COL27A1: variants seen among roughly 807,000 people sequenced by gnomAD.
COL27A1 encodes collagen type XXVII alpha 1 chain.
A neutral mutation model predicts 251.3 loss-of-function variants in COL27A1; 106 were observed. The ratio of observed to expected loss-of-function variants is 0.42; its 90% CI spans 0.36 to 0.50. COL27A1 has a LOEUF of 0.50. COL27A1 is among the 20% of genes least tolerant of loss of function. COL27A1 has a pLI of 0.00. For synonymous variants in COL27A1, 1,000 were observed against 986.3 expected (o/e 1.01, Z -0.26); for missense variants, 2,325 against 2,522.8 (o/e 0.92, Z 1.68).
chr9:114,297,842 G>T (rs866759564), intron 49 of COL27A1, among the ~76,000 whole-genome samples: 19 of 152,084 alleles, frequency 1.2e-4, no homozygotes, highest in African/African-American at 1.9e-4. Flanking sequence ...AACCAAAGTT[G>T]CAGGATATAA....
chr9:114,209,816 A>C, intron 11 of COL27A1, 88 bp downstream of exon 11: 1 of 1,302,866 alleles, frequency 7.7e-7, no homozygotes, highest in Non-Finnish European at 1.1e-6. Flanking sequence ...TGGGGAAGTC[A>C]AGGAATTCCT....
At chr9:114,246,128 C>A in intron 24 of COL27A1, 1 of 500,966 alleles carries the variant, frequency 2.0e-6, no homozygotes, top group Non-Finnish European at 3.5e-6. Context: ...GTCACGACAG[C>A]TTTTCCCCAC....
At chr9:114,226,946 C>T (rs1412114940) in intron 14 of COL27A1, among the ~76,000 whole-genome samples, 2 of 152,192 alleles carry the variant, frequency 1.3e-5, no homozygotes, top group African/African-American at 2.4e-5. Flanking sequence ...TGAGGCCTGA[C>T]AGCAGGGGCA....
chr9:114,209,632 C>T, intron 10 of COL27A1, 43 bp from the exon 11 acceptor site: 2 of 1,602,172 alleles, frequency 1.2e-6, no homozygotes, highest in Non-Finnish European at 8.6e-7. Flanking sequence ...CCAGCCACAC[C>T]TCACTGCTTG....
At position 114,306,614 on chromosome 9, in the gene COL27A1, C is replaced by T. The variant is rs766329166; in HGVS notation, c.5033C>T (p.Thr1678Met). The part of the protein sequence containing the change: ...YLSNLIQSIK[T>M]PLGTKENPAR... Reference sequence around the variant, plus strand: ...AGCAACCTCATCCAGAGCATTAAGACGCCCCTGGGCACCAAAGAGAACCCC... The same window carrying T: ...AGCAACCTCATCCAGAGCATTAAGATGCCCCTGGGCACCAAAGAGAACCCC... Residue 1678 changes from threonine to methionine, a missense_variant, in exon 58 of 61, where the codon ACG becomes ATG. By Grantham distance (81) the Thr-to-Met change is moderately conservative. This residue lies in a region of COL27A1 where 327 missense variants were observed against 442.8 expected (regional missense o/e 0.74). Transcript: ENST00000356083. 102 of 1,614,148 alleles carry T rather than the reference C, an allele frequency of 6.3e-5. 1 individual carries two copies. The South Asian group carries it at 7.2e-4, about 11-fold the overall frequency.
rs1829104311 is a variant in COL27A1 at position 114,196,112 on chromosome 9, C to T, written c.2124+100C>T. 7 of 1,019,146 alleles carry T rather than the reference C, an allele frequency of 6.9e-6. No individual in the cohort carries two copies. The South Asian group carries it at 8.9e-5, about 13-fold the overall frequency. 63.1% of individuals were successfully genotyped at this position (1,019,146 alleles called of 1,614,324 possible). On this transcript the variant is annotated intron_variant, in intron 7 of 60. Coordinates refer to ENST00000356083, the MANE Select transcript of COL27A1 (RefSeq NM_032888.4). ...TGGGCCCACCTGCCTCTCCCCAGCC[C>T]CAGCCCAGCTCCCCTGGGCACAGGG... is the stretch of plus-strand genomic sequence containing the variant.
At chr9:114,211,512 G>A (rs1830365223) in intron 12 of COL27A1, among the ~76,000 whole-genome samples, 2 of 152,382 alleles carry the variant, frequency 1.3e-5, no homozygotes, top group African/African-American at 4.8e-5. Flanking sequence ...ATGACCGAAA[G>A]AGGGGCTCAG....
intron 5 of COL27A1, among the ~76,000 whole-genome samples, chr9:114,187,302 C>T (rs1828426286): frequency 6.6e-6 from 1 of 152,246 alleles, no homozygotes; most frequent in African/African-American, 2.4e-5. Flanking sequence ...CCCTGGGCCT[C>T]AGCCACCCAA....
At chr9:114,300,027 A>C (rs778326881) in intron 49 of COL27A1, 43 bp from the exon 50 acceptor site, 2 of 1,608,742 alleles carry the variant, frequency 1.2e-6, no homozygotes, top group South Asian at 2.2e-5. Context: ...GGACACGCTG[A>C]CCATGAGCTC....
intron 1 of COL27A1, among the ~76,000 whole-genome samples, chr9:114,162,449 C>A (rs931342736): frequency 3.3e-5 from 5 of 152,200 alleles, no homozygotes; most frequent in African/African-American, 1.2e-4. Context: ...CTGCTTCTTC[C>A]CCGTTGACGT....
intron 1 of COL27A1, among the ~76,000 whole-genome samples, chr9:114,156,323 G>C (rs1317702759): frequency 6.6e-6 from 1 of 151,574 alleles, no homozygotes; most frequent in Non-Finnish European, 1.5e-5. Flanking sequence ...GGGTGCGGAG[G>C]GGGGCTTTTT....
intron 41 of COL27A1, among the ~76,000 whole-genome samples, chr9:114,285,039 G>C (rs943273104): frequency 6.6e-6 from 1 of 152,230 alleles, no homozygotes; most frequent in Non-Finnish European, 1.5e-5. Context: ...CCCTCACGGG[G>C]CTTATAGTCA....
At chr9:114,289,972 C>T (rs1456351490) in intron 45 of COL27A1, 86 bp from the exon 46 acceptor site, 1 of 1,451,374 alleles carries the variant, frequency 6.9e-7, no homozygotes, top group Middle Eastern at 2.4e-4. Context: ...CAGGGGCCCA[C>T]AATCCTCTCA....
At chr9:114,253,342 GAA>G (rs1220805037) in intron 27 of COL27A1, among the ~76,000 whole-genome samples, 2 of 133,192 alleles carry the variant, frequency 1.5e-5, no homozygotes, top group East Asian at 2.9e-4. Context: ...AGGGGAGAAA[GAA>G]AGAAGGGAGT....
At chr9:114,302,202 A>G in intron 56 of COL27A1, 94 bp downstream of exon 56, 1 of 1,074,218 alleles carries the variant, frequency 9.3e-7, no homozygotes, top group Non-Finnish European at 1.4e-6. Context: ...TGGTGGCTAG[A>G]GCCCTAAGCT....
chr9:114,168,864 C>T lies in COL27A1; in HGVS notation c.1309C>T (p.Pro437Ser), dbSNP rs748905606. Residue 437 changes from proline to serine, a missense_variant, in exon 3 of 61, where the codon CCG (proline) becomes TCG (serine). Physicochemically the swap from Pro to Ser is moderately conservative, Grantham distance 74 (BLOSUM62 -1). Coordinates refer to ENST00000356083, the MANE Select transcript of COL27A1 (RefSeq NM_032888.4). ...QRNPGMPRPP[P>S]PSTRPLPPTT... is the part of the protein sequence containing the mutation. ...GAACCCGGGAATGCCCAGGCCCCCA[C>T]CGCCCAGCACCCGGCCCCTACCTCC... 1.2e-6 allele frequency: 2 copies of T among 1,614,108 alleles called. No individual in the cohort carries two copies. Among genetic ancestry groups the T allele is most frequent in the South Asian group, 2.2e-5 (2 of 91,082 alleles).
chr9:114,242,295 G>A, intron 22 of COL27A1, 64 bp downstream of exon 22: 2 of 1,417,940 alleles, frequency 1.4e-6, no homozygotes, highest in South Asian at 1.3e-5. Flanking sequence ...GCACAGGCAG[G>A]GCAACATCTG....
In COL27A1 at chr9:114,196,001, C is replaced by T. The variant is rs139039113; in HGVS notation, c.2113C>T (p.Pro705Ser). ...LPGLSGNPGP[P>S]GRKGHKGYPG... ...TGGGCTCTCCGGGAATCCAGGACCT[C>T]CGGGACGAAAGGTACTGTTTGGTTT... Residue 705 changes from proline (P) to serine (S), a missense_variant, in exon 7 of 61, where the codon CCG (proline) becomes TCG (serine). Physicochemically the swap from Pro to Ser is moderately conservative, Grantham distance 74 (BLOSUM62 -1). Around this residue, in one of 4 missense-constraint regions of COL27A1, gnomAD observed 1,183 missense variants for 1,144.1 expected, o/e 1.03. Transcript: ENST00000356083. 2.2e-4 allele frequency: 352 copies of T among 1,614,096 alleles called. 3 individuals are homozygous for T. In the East Asian group the frequency reaches 6.0e-3, roughly 27 times the overall value.
chr9:114,297,615 C>T (rs1411134319), intron 49 of COL27A1, among the ~76,000 whole-genome samples: 3 of 152,066 alleles, frequency 2.0e-5, no homozygotes, highest in Non-Finnish European at 2.9e-5. Flanking sequence ...AAGCATTTGA[C>T]GAAATCCAAC....
Sources: gnomAD v4.1 joint callset for allele counts (sites outside exome capture counted in the v4.1 genomes callset) on GRCh38, gnomAD v4.1.1 for gene constraint, gnomAD v4.1.1 regional missense constraint, MANE v1.5 for transcripts, NCBI Gene and HGNC (gene_info 2026-07-23, HGNC 2026-07-21) for gene names.